The following APLF variants were observed in gnomAD, a reference collection of about 807,000 sequenced individuals.
APLF encodes aprataxin and PNK-like factor.
APLF carries 61 observed loss-of-function variants against 55.6 expected under a neutral mutation model. That is an observed-to-expected ratio of 1.10 (90% CI 0.89 to 1.36). The LOEUF is 1.36. APLF is among the 40% of genes most tolerant of loss of function. The pLI, the probability that APLF is intolerant of heterozygous loss-of-function variation, is 0.00. For missense variants in APLF, 611 were observed against 602.5 expected, an observed-to-expected ratio of 1.01 and a Z score of -0.15; for synonymous variants, 207 against 214.8, an observed-to-expected ratio of 0.96 and a Z score of 0.32.
Position 68,540,696 on chromosome 2 carries a change from A to T in APLF, c.1160+2469A>T, listed in dbSNP as rs185571664. On this transcript the variant is annotated intron_variant, in intron 7 of 9. Coordinates refer to ENST00000303795, the MANE Select transcript of APLF (RefSeq NM_173545.3). ...TGTTGCAAGAATCAATATTGTAAAG[A>T]TATATATTTCCTCAAAATCGCTCTG... is the stretch of plus-strand genomic sequence containing the variant. Among the ~76,000 whole-genome samples the T allele has an allele frequency of 4.9e-3, 749 of 152,178 alleles. 4 individuals are homozygous for T. The highest frequency in any genetic ancestry group is 0.021 in the Admixed American group (323 of 15,262).
At chr2:68,576,218 A>G (rs927921511) in intron 9 of APLF, among the ~76,000 whole-genome samples, 1 of 152,158 alleles carries the variant, frequency 6.6e-6, no homozygotes, top group African/African-American at 2.4e-5. Flanking sequence ...GGTATTTCCA[A>G]GAGGAAAATA....
chr2:68,544,003 A>T lies in APLF; in HGVS notation c.1161-1184A>T, dbSNP rs184652690. Among the ~76,000 whole-genome samples, 917 of 132,716 alleles carry T rather than the reference A, an allele frequency of 6.9e-3. 2 individuals are homozygous for T. Among genetic ancestry groups the T allele is most frequent in the South Asian group, 0.011 (46 of 4,220 alleles). The allele number at this position is 132,716 out of a possible 152,430, so 87.1% of individuals were successfully genotyped here. On this transcript the variant is annotated intron_variant, in intron 7 of 9. Coordinates refer to ENST00000303795, the MANE Select transcript of APLF (RefSeq NM_173545.3). ...TTTCTTTTTTTTTTTTTTTTTTGAG[A>T]TGGAGTCTTGCTCTGTCACCCAGGC...
At chr2:68,534,441 G>T (rs1670335440) in intron 6 of APLF, among the ~76,000 whole-genome samples, 1 of 152,140 alleles carries the variant, frequency 6.6e-6, no homozygotes, top group Non-Finnish European at 1.5e-5. Flanking sequence ...TAAATTACTT[G>T]ATTTAAATTG....
chr2:68,544,702 T>C (rs1228074021), intron 7 of APLF, among the ~76,000 whole-genome samples: 3 of 152,092 alleles, frequency 2.0e-5, no homozygotes, highest in Admixed American at 2.0e-4. Flanking sequence ...TGAAAAACAC[T>C]TTTAGAAGTT....
At position 68,529,522 on chromosome 2, in the gene APLF, A is replaced by T. The variant is rs188127729; in HGVS notation, c.804+3280A>T. On this transcript the variant is annotated intron_variant, in intron 6 of 9. Coordinates refer to ENST00000303795, the MANE Select transcript of APLF (RefSeq NM_173545.3). The surrounding 1 kb of genome is among the most constrained non-coding windows in gnomAD (Gnocchi z 4.4). ...GTCAGAAGCGGAGAGGATACTCCTA[A>T]GTCACCCACTTCTCTGTGGCTGGGT... The T allele has an allele frequency of 1.1e-3, 1,051 of 977,514 alleles. 1 individual carries two copies. Among genetic ancestry groups the T allele is most frequent in the Middle Eastern group, 6.6e-3 (13 of 1,970 alleles). 60.6% of individuals were successfully genotyped at this position (977,514 alleles called of 1,614,324 possible). A position where few individuals can be genotyped will look rare whatever the true frequency, so the allele number is the denominator to read the frequency against.
chr2:68,469,037 G>GTGTGTTA (rs1333408137), intron 1 of APLF, among the ~76,000 whole-genome samples: 2 of 150,966 alleles, frequency 1.3e-5, no homozygotes, highest in African/African-American at 4.9e-5. Flanking sequence ...GTTGTGTGTT[G>GTGTGTTA]TGTACATGCA....
At chr2:68,561,394 G>A (rs970418006) in intron 8 of APLF, among the ~76,000 whole-genome samples, 17 of 152,072 alleles carry the variant, frequency 1.1e-4, no homozygotes, top group African/African-American at 3.9e-4. Flanking sequence ...CATAATGCTA[G>A]TGATCCAAAG....
chr2:68,527,893 G>C (rs565015789), intron 6 of APLF, among the ~76,000 whole-genome samples: 97 of 150,476 alleles, frequency 6.4e-4, no homozygotes, highest in African/African-American at 2.3e-3. Context: ...TCACTTCCCA[G>C]ACAGGGTGGC....
rs1453685654 is a variant in APLF at position 68,538,090 on chromosome 2, A to G, written c.1023A>G (p.Gln341=). Residue 341 remains glutamine, a synonymous_variant, in exon 7 of 10, where the codon CAA becomes CAG. Transcript: ENST00000303795. ...AQGDSLQDES[Q]GSHSESSSNP... The stretch of plus-strand genomic sequence containing the variant: ...GCGACTCACTTCAGGATGAGTCTCA[A>G]GGGTCTCATTCTGAGTCCAGCTCTA... The G allele has an allele frequency of 2.5e-6, 4 of 1,613,996 alleles. No individual in the cohort carries two copies. The highest frequency in any genetic ancestry group is 3.4e-6 in the Non-Finnish European group (4 of 1,179,964).
intron 9 of APLF, among the ~76,000 whole-genome samples, chr2:68,574,321 C>T (rs895293599): frequency 6.6e-6 from 1 of 152,022 alleles, no homozygotes; most frequent in Non-Finnish European, 1.5e-5. Context: ...TTTTATATAA[C>T]ATTTAAAGTT....
intron 6 of APLF, among the ~76,000 whole-genome samples, chr2:68,534,794 G>A (rs1573232500): frequency 6.6e-6 from 1 of 152,176 alleles, no homozygotes; most frequent in Non-Finnish European, 1.5e-5. Context: ...CTTCTTCCAA[G>A]TACAGAGCAA....
intron 2 of APLF, among the ~76,000 whole-genome samples, chr2:68,501,693 T>C (rs1361910783): frequency 2.0e-5 from 3 of 152,188 alleles, no homozygotes; most frequent in African/African-American, 7.2e-5. Context: ...AGTTCTAACT[T>C]TGAGATCTGT....
At chr2:68,558,091 A>G (rs889176169) in intron 8 of APLF, among the ~76,000 whole-genome samples, 2 of 152,164 alleles carry the variant, frequency 1.3e-5, no homozygotes, top group Admixed American at 6.6e-5. Context: ...TTTACATAAG[A>G]CTCCGCTGTA....
At chr2:68,525,400 T>C (rs1670010107) in intron 5 of APLF, among the ~76,000 whole-genome samples, 1 of 152,198 alleles carries the variant, frequency 6.6e-6, no homozygotes, top group African/African-American at 2.4e-5. Flanking sequence ...AGTCAGATTT[T>C]CTGTTAGAGA....
intron 2 of APLF, among the ~76,000 whole-genome samples, chr2:68,496,749 C>T (rs1017618017): frequency 2.0e-5 from 3 of 152,182 alleles, no homozygotes; most frequent in Non-Finnish European, 2.9e-5. Flanking sequence ...TCTGCTAAGA[C>T]GTAACATACT....
intron 5 of APLF, among the ~76,000 whole-genome samples, chr2:68,524,429 A>G (rs546639659): frequency 6.6e-6 from 1 of 152,322 alleles, no homozygotes; most frequent in African/African-American, 2.4e-5. Flanking sequence ...CCATGGGCCA[A>G]ATTAGGCCCA....
At chr2:68,549,347 A>G (rs531061460) in intron 8 of APLF, among the ~76,000 whole-genome samples, 1 of 152,156 alleles carries the variant, frequency 6.6e-6, no homozygotes, top group South Asian at 2.1e-4. Flanking sequence ...CAGTTCTAAA[A>G]ATTGTGAAAG....
rs908479601 is a variant in APLF at position 68,492,312 on chromosome 2, A to G, written c.168+2051A>G. Among the ~76,000 whole-genome samples the G allele has an allele frequency of 9.2e-5, 14 of 152,186 alleles. 1 individual carries two copies. The highest frequency in any genetic ancestry group is 3.4e-3 in the Middle Eastern group (1 of 294). Reference sequence around the variant, plus strand: ...GCTAACACGGTGAAACGCCGTCTCTACTAAAAATACAAAAAATTAGCCGGG... The same window carrying G: ...GCTAACACGGTGAAACGCCGTCTCTGCTAAAAATACAAAAAATTAGCCGGG... On this transcript the variant is annotated intron_variant, in intron 2 of 9. Coordinates refer to ENST00000303795, the MANE Select transcript of APLF (RefSeq NM_173545.3).
Position 68,516,753 on chromosome 2 carries a change from C to T in APLF, c.622+3073C>T, listed in dbSNP as rs569146502. Among the ~76,000 whole-genome samples the T allele has an allele frequency of 4.7e-5, 7 of 148,138 alleles. No individual in the cohort carries two copies. The East Asian group carries it at 7.9e-4, about 17-fold the overall frequency. On this transcript the variant is annotated intron_variant, in intron 5 of 9. Coordinates refer to ENST00000303795, the MANE Select transcript of APLF (RefSeq NM_173545.3). ...CTCTCCAATTACATCCAGGTTGCTG[C>T]GAGTGCCATTATTTCATTCCTTTTT...
Sources: gnomAD v4.1 joint callset for allele counts (sites outside exome capture counted in the v4.1 genomes callset) on GRCh38, gnomAD v4.1.1 for gene constraint, Gnocchi (gnomAD v3.1) non-coding constraint, MANE v1.5 for transcripts, NCBI Gene and HGNC (gene_info 2026-07-23, HGNC 2026-07-21) for gene names.